SMC6: variants seen among roughly 807,000 people sequenced by gnomAD.
SMC6 encodes the protein structural maintenance of chromosomes protein 6.
In SMC6, 79 loss-of-function variants were observed where a neutral mutation model predicts 142.2. The ratio of observed to expected loss-of-function variants is 0.56; its 90% confidence interval spans 0.46 to 0.67. The LOEUF is 0.67. SMC6 is among the 30% of genes least tolerant of loss of function. The pLI is 0.00. For synonymous variants in SMC6, 411 were observed against 412.4 expected (o/e 1.00, Z 0.04); for missense variants, 1,072 against 1,284.0 (o/e 0.83, Z 2.52).
At chr2:17,709,198 A>G (rs935478165) in intron 16 of SMC6, among the ~76,000 whole-genome samples, 3 of 152,002 alleles carry the variant, frequency 2.0e-5, no homozygotes, top group African/African-American at 7.3e-5. Context: ...GCTGCCTACT[A>G]TAATTAATAA....
chr2:17,751,366 G>A (rs1461127024), intron 2 of SMC6, among the ~76,000 whole-genome samples: 1 of 151,322 alleles, frequency 6.6e-6, no homozygotes, highest in Non-Finnish European at 1.5e-5. Flanking sequence ...TGTAATCCCA[G>A]CTACTCCGGA....
At position 17,703,147 on chromosome 2, in the gene SMC6, A is replaced by T. The variant is rs367575353; in HGVS notation, c.2142+10T>A. 3 of 1,335,472 alleles carry T rather than the reference A, an allele frequency of 2.2e-6. No individual in the cohort carries two copies. Among genetic ancestry groups the T allele is most frequent in the African/African-American group, 1.5e-5 (1 of 65,836 alleles). 82.7% of individuals were successfully genotyped at this position (1,335,472 alleles called of 1,614,324 possible). ...AAACAAAAGAAGGTTTATTATTATT[A>T]TTTTTTTACCTTTAGTTCTTTATAA... On this transcript the variant is annotated intron_variant, in intron 19 of 27. Coordinates refer to ENST00000448223, the MANE Select transcript of SMC6 (RefSeq NM_001142286.2).
rs1449974269 is a variant in SMC6 at position 17,670,512 on chromosome 2, G to A, written c.2974C>T (p.Arg992Cys). ...NDMRALSGGE[R>C]SFSTVCFILS... ...ATAAAACACACTGTGGAGAAAGAAC[G>A]TTCACCTCCAGACAAGGCTCTCATG... The change falls in exon 26 of 28, where the codon CGT becomes TGT. Residue 992 changes from arginine to cysteine, a missense_variant. Arg to Cys is a radical substitution (Grantham distance 180). Transcript: ENST00000448223. The A allele has an allele frequency of 6.2e-7, 1 of 1,606,962 alleles. No individual in the cohort carries two copies. The highest frequency in any genetic ancestry group is 2.2e-5 in the East Asian group (1 of 44,682).
At chr2:17,670,849 A>C (rs1666725312) in intron 25 of SMC6, among the ~76,000 whole-genome samples, 1 of 152,190 alleles carries the variant, frequency 6.6e-6, no homozygotes, top group Non-Finnish European at 1.5e-5. Flanking sequence ...AGGCTAATTT[A>C]AAAAATGTTA....
At chr2:17,699,161 T>C (rs1191079949) in intron 21 of SMC6, among the ~76,000 whole-genome samples, 2 of 152,136 alleles carry the variant, frequency 1.3e-5, no homozygotes, top group Non-Finnish European at 2.9e-5. Context: ...CTTTTATTTT[T>C]CCTAACAAAT....
At chr2:17,726,222 C>T (rs1669617332) in intron 8 of SMC6, among the ~76,000 whole-genome samples, 167 bp downstream of exon 8, 1 of 150,562 alleles carries the variant, frequency 6.6e-6, no homozygotes, top group Non-Finnish European at 1.5e-5. Context: ...AAATTATACT[C>T]CCATCTTACT....
At chr2:17,666,562 C>T in intron 26 of SMC6, 45 bp from the exon 27 acceptor site, 1 of 1,436,042 alleles carries the variant, frequency 7.0e-7, no homozygotes, top group Non-Finnish European at 9.8e-7. Context: ...GTGTAAGTCA[C>T]ATTTCTGTAA....
In SMC6 at chr2:17,708,636, T is replaced by C. The variant is rs1275470933; in HGVS notation, c.1845+3A>G. ...AAATACAGCAAAGATCTGGAGGTCT[T>C]ACTTTGATTAGTAGCACTGTCTCTA... is the stretch of plus-strand genomic sequence containing the variant. On this transcript the variant is annotated splice_donor_region_variant and intron_variant, in intron 17 of 27. Coordinates refer to ENST00000448223, the MANE Select transcript of SMC6 (RefSeq NM_001142286.2). 1.4e-6 allele frequency: 2 copies of C among 1,450,352 alleles called. No individual in the cohort carries two copies. Among genetic ancestry groups the C allele is most frequent in the Non-Finnish European group, 1.8e-6 (2 of 1,086,012 alleles). 89.8% of individuals were successfully genotyped at this position (1,450,352 alleles called of 1,614,324 possible).
At chr2:17,678,606 G>GAA (rs544540923) in intron 25 of SMC6, among the ~76,000 whole-genome samples, 92 of 124,310 alleles carry the variant, frequency 7.4e-4, no homozygotes, top group Middle Eastern at 4.1e-3. Context: ...TGTCTATACG[G>GAA]AAAAAAAAAA....
In SMC6 at chr2:17,716,237, T is replaced by C; in HGVS notation, c.1374A>G (p.Ala458=). 1.2e-6 allele frequency: 2 copies of C among 1,610,428 alleles called. No individual in the cohort carries two copies. Among genetic ancestry groups the C allele is most frequent in the Non-Finnish European group, 1.7e-6 (2 of 1,178,990 alleles). The change falls in exon 15 of 28, where the codon GCA becomes GCG. Residue 458 remains alanine (A), a synonymous_variant. Coordinates refer to ENST00000448223, the MANE Select transcript of SMC6 (RefSeq NM_001142286.2). ...IKREELDVKH[A]LSYNQRQLKE... ...TCAGTTGCCTCTGATTGTAGCTCAG[T>C]GCATGCTTCACATCTAATTCTTCTC...
Position 17,707,370 on chromosome 2 carries a change from C to T in SMC6, c.1855G>A (p.Val619Ile), listed in dbSNP as rs1668557342. 1 of 1,516,058 alleles carries T rather than the reference C, an allele frequency of 6.6e-7. No homozygotes were observed. The highest frequency in any genetic ancestry group is 2.4e-5 in the East Asian group (1 of 41,370). 93.9% of individuals were successfully genotyped at this position (1,516,058 alleles called of 1,614,324 possible). The change falls in exon 18 of 28, where the codon GTA becomes ATA. Residue 619 changes from valine to isoleucine, a missense_variant. By Grantham distance (29) the Val-to-Ile change is conservative (BLOSUM62 3). Around this residue, in one of 3 missense-constraint regions of SMC6, gnomAD observed 994 missense variants for 1,153.2 expected, o/e 0.86. Transcript: ENST00000448223. Reference sequence around the variant, plus strand: ...TGGGACTGCATTACTGCACGAGCTACAGAATTATTCTAAAAGAATAGAAGA... The same window carrying T: ...TGGGACTGCATTACTGCACGAGCTATAGAATTATTCTAAAAGAATAGAAGA... ...ETVLLIKNNSVARAVMQSQKP... is the reference protein window; with the variant it reads ...ETVLLIKNNSIARAVMQSQKP...
Position 17,700,207 on chromosome 2 carries a change from C to G in SMC6, c.2394+1G>C. 1 of 1,588,498 alleles carries G rather than the reference C, an allele frequency of 6.3e-7. No individual in the cohort carries two copies. Among genetic ancestry groups the G allele is most frequent in the Non-Finnish European group, 8.6e-7 (1 of 1,165,706 alleles). ...CGTAACACAGTACCAAAAATATATACCTTAAGTGGGTCTGCTAGCTCCGAT... is the reference window on the plus strand; with the variant it reads ...CGTAACACAGTACCAAAAATATATAGCTTAAGTGGGTCTGCTAGCTCCGAT... On this transcript the variant is annotated splice_donor_variant, in intron 21 of 27. Transcript: ENST00000448223. LOFTEE classifies it high-confidence loss of function.
At chr2:17,732,918 AAAAAATCTT>A (rs1669980323) in intron 5 of SMC6, among the ~76,000 whole-genome samples, 1 of 152,194 alleles carries the variant, frequency 6.6e-6, no homozygotes. Flanking sequence ...GGAGTAAAAA[AAAAAATCTT>A]TATTTGTGTA....
At chr2:17,750,031 T>A (rs1016023619) in intron 2 of SMC6, among the ~76,000 whole-genome samples, 4 of 152,220 alleles carry the variant, frequency 2.6e-5, no homozygotes, top group African/African-American at 9.6e-5. Flanking sequence ...TTAAGTACAC[T>A]GCTTGGAATA....
chr2:17,697,363 G>A (rs545163004), intron 21 of SMC6, among the ~76,000 whole-genome samples: 1 of 152,050 alleles, frequency 6.6e-6, no homozygotes, highest in Admixed American at 6.5e-5. Flanking sequence ...GTTTAGAAAG[G>A]TCACTGGATA....
At chr2:17,729,810 C>A (rs574309833) in intron 7 of SMC6, among the ~76,000 whole-genome samples, 2 of 152,178 alleles carry the variant, frequency 1.3e-5, no homozygotes, top group South Asian at 4.2e-4. Context: ...TTTCTACTTA[C>A]AAAAAAACCA....
Position 17,745,223 on chromosome 2 carries a change from T to C in SMC6, c.120+604A>G, listed in dbSNP as rs112074092. Among the ~76,000 whole-genome samples the C allele has an allele frequency of 2.3e-4, 35 of 152,296 alleles. 1 individual carries two copies. Among genetic ancestry groups the C allele is most frequent in the African/African-American group, 7.0e-4 (29 of 41,550 alleles). On this transcript the variant is annotated intron_variant, in intron 3 of 27. Transcript: ENST00000448223. The stretch of plus-strand genomic sequence containing the variant: ...CTGGTTTTGGCATCAAGATAATACA[T>C]TGAAAAGTGTTCTCTTATGATTTTT...
chr2:17,748,549 A>C (rs1670865558), intron 2 of SMC6, among the ~76,000 whole-genome samples: 1 of 152,230 alleles, frequency 6.6e-6, no homozygotes, highest in Non-Finnish European at 1.5e-5. Flanking sequence ...ACTGTTATTA[A>C]AATCAAAAAT....
intron 24 of SMC6, chr2:17,681,215 A>C (rs1283879210): frequency 6.6e-6 from 1 of 152,252 alleles, no homozygotes; most frequent in Non-Finnish European, 1.5e-5. Context: ...ATCGAATTGG[A>C]GAGTTAAGGC....
Sources: gnomAD v4.1 joint callset for allele counts (sites outside exome capture counted in the v4.1 genomes callset) on GRCh38, gnomAD v4.1.1 for gene constraint, gnomAD v4.1.1 regional missense constraint, MANE v1.5 for transcripts, NCBI Gene and HGNC (gene_info 2026-07-23, HGNC 2026-07-21) for gene names.